Variants in ELMO1 observed in about 807,000 individuals in gnomAD.
The protein encoded by ELMO1 is engulfment and cell motility 1.
Under a neutral mutation model 98.9 loss-of-function variants are expected in ELMO1, and 26 were observed. The observed-to-expected ratio is 0.26, with a 90% confidence interval of 0.19 to 0.36. ELMO1 has a LOEUF of 0.36. ELMO1 is among the 10% of genes least tolerant of loss of function. The probability of loss-of-function intolerance (pLI) is 1.00; values close to 1 mark genes in which losing one functional copy is unlikely to be tolerated. For synonymous variants in ELMO1, 346 were observed against 346.0 expected, an observed-to-expected ratio of 1.00 and a Z score of 0.00; for missense variants, 627 against 935.2, an observed-to-expected ratio of 0.67 and a Z score of 4.30.
At chr7:37,233,042 T>C in intron 8 of ELMO1, 53 bp downstream of exon 8, 2 of 1,423,712 alleles carry the variant, frequency 1.4e-6, no homozygotes, top group East Asian at 2.4e-5. Flanking sequence ...CAGAGAAAAA[T>C]AGCTATGACA....
At chr7:37,028,189 G>C (rs1006835002) in intron 15 of ELMO1, among the ~76,000 whole-genome samples, 6 of 152,184 alleles carry the variant, frequency 3.9e-5, no homozygotes, top group African/African-American at 1.4e-4. Context: ...ACAAGAGGGA[G>C]AGCCAGGGTT....
At chr7:37,321,957 T>C (rs1385782685) in intron 2 of ELMO1, among the ~76,000 whole-genome samples, 2 of 150,546 alleles carry the variant, frequency 1.3e-5, no homozygotes, top group Non-Finnish European at 3.0e-5. Flanking sequence ...CCTCCCGAGT[T>C]CAAGTGATTC....
chr7:37,175,329 A>G (rs1475749385), intron 13 of ELMO1, among the ~76,000 whole-genome samples: 1 of 152,214 alleles, frequency 6.6e-6, no homozygotes, highest in South Asian at 2.1e-4. Context: ...AAATCTCTAC[A>G]TTTGTCTGCA....
chr7:37,168,750 G>T (rs939255169), intron 13 of ELMO1, among the ~76,000 whole-genome samples: 5 of 152,318 alleles, frequency 3.3e-5, no homozygotes, highest in South Asian at 4.1e-4. Flanking sequence ...TGCCCCTACT[G>T]GGGGGTGCCT....
chr7:37,418,771 G>A (rs1485652875), intron 1 of ELMO1, among the ~76,000 whole-genome samples: 1 of 152,140 alleles, frequency 6.6e-6, no homozygotes, highest in Non-Finnish European at 1.5e-5. Flanking sequence ...CATCTCGCAG[G>A]TATTATAAGG....
chr7:37,180,775 T>C (rs749143498), intron 13 of ELMO1, among the ~76,000 whole-genome samples: 1 of 150,848 alleles, frequency 6.6e-6, no homozygotes, highest in African/African-American at 2.5e-5. Flanking sequence ...TATGTATATA[T>C]ACACACACAC....
chr7:37,032,907 A>C (rs1418663557), intron 15 of ELMO1, among the ~76,000 whole-genome samples: 4 of 152,220 alleles, frequency 2.6e-5, no homozygotes, highest in African/African-American at 4.8e-5. Flanking sequence ...AAGTGTCTGG[A>C]GAGTCCAGGG....
chr7:36,981,450 A>G (rs892430778), intron 16 of ELMO1, among the ~76,000 whole-genome samples: 1 of 152,160 alleles, frequency 6.6e-6, no homozygotes, highest in Non-Finnish European at 1.5e-5. Flanking sequence ...TGAAAGAACT[A>G]TTTAGTCAAT....
chr7:37,357,601 A>G (rs111412068), intron 1 of ELMO1, among the ~76,000 whole-genome samples: 8 of 152,214 alleles, frequency 5.3e-5, no homozygotes, highest in Non-Finnish European at 1.2e-4. Context: ...CTCTCTAGTT[A>G]TTAGCCACAA....
At chr7:37,209,632 G>T (rs1267759808) in intron 13 of ELMO1, among the ~76,000 whole-genome samples, 1 of 152,128 alleles carries the variant, frequency 6.6e-6, no homozygotes. Flanking sequence ...ATTTCGCAAA[G>T]CCTCCCAAGT....
chr7:37,173,003 A>T (rs146509565), intron 13 of ELMO1, among the ~76,000 whole-genome samples: 66 of 152,340 alleles, frequency 4.3e-4, no homozygotes, highest in African/African-American at 1.4e-3. Context: ...AAGAAAATTG[A>T]GTTGAGATGG....
In ELMO1 at chr7:37,260,446, C is replaced by T. The variant is rs540240629; in HGVS notation, c.244-1096G>A. 2.0e-5 allele frequency among the ~76,000 whole-genome samples: 3 copies of T among 152,152 alleles called. No individual in the cohort carries two copies. The South Asian group carries it at 6.2e-4, about 32-fold the overall frequency. The stretch of plus-strand genomic sequence containing the variant: ...GGAGGCAGGAGAACCACCTAGGTAT[C>T]GAAGGCAAAACCAGTGCTGGCCACA... On this transcript the variant is annotated intron_variant, in intron 5 of 21. Transcript: ENST00000310758.
intron 15 of ELMO1, among the ~76,000 whole-genome samples, chr7:37,048,416 C>G (rs887319468): frequency 4.6e-5 from 7 of 152,232 alleles, no homozygotes; most frequent in African/African-American, 1.7e-4. Context: ...GATTCCAATT[C>G]TTTCATAAGA....
At chr7:37,214,674 C>T (rs866307870) in intron 11 of ELMO1, among the ~76,000 whole-genome samples, 26 of 152,034 alleles carry the variant, frequency 1.7e-4, no homozygotes, top group East Asian at 1.2e-3. Context: ...AGCTAGATAA[C>T]GGATGGTTAG....
intron 16 of ELMO1, 47 bp downstream of exon 16, chr7:37,013,252 C>T (rs1441340272): frequency 6.2e-7 from 1 of 1,609,554 alleles, no homozygotes; most frequent in African/African-American, 1.3e-5. Flanking sequence ...CAGCAGGCCC[C>T]TTTAGCGCTG....
At chr7:37,023,510 C>G (rs770890033) in intron 15 of ELMO1, among the ~76,000 whole-genome samples, 1 of 152,090 alleles carries the variant, frequency 6.6e-6, no homozygotes, top group Non-Finnish European at 1.5e-5. Flanking sequence ...GGACCAATCA[C>G]CTAACTGCTA....
At chr7:36,935,936 C>G (rs1460162038) in intron 16 of ELMO1, among the ~76,000 whole-genome samples, 1 of 152,142 alleles carries the variant, frequency 6.6e-6, no homozygotes, top group Admixed American at 6.5e-5. Context: ...CATCTGTACC[C>G]TGGGCCTGCT....
chr7:37,182,580 T>TC (rs1043744516), intron 13 of ELMO1, among the ~76,000 whole-genome samples: 3 of 142,426 alleles, frequency 2.1e-5, no homozygotes, highest in Non-Finnish European at 3.0e-5. Flanking sequence ...TCTCTCTCCC[T>TC]CCCCCTCCTC....
At chr7:37,292,771 G>A (rs1349954627) in intron 4 of ELMO1, among the ~76,000 whole-genome samples, 4 of 93,974 alleles carry the variant, frequency 4.3e-5, no homozygotes, top group Non-Finnish European at 4.8e-5. Context: ...CAGCCACCCC[G>A]TCTGGGAGGG....
Sources: gnomAD v4.1 joint callset for allele counts (sites outside exome capture counted in the v4.1 genomes callset) on GRCh38, gnomAD v4.1.1 for gene constraint, MANE v1.5 for transcripts, NCBI Gene and HGNC (gene_info 2026-07-23, HGNC 2026-07-21) for gene names.